The following FNDC1 variants were observed in gnomAD, a reference collection of about 807,000 sequenced individuals.
The protein encoded by FNDC1 is fibronectin type III domain containing 1.
FNDC1 carries 96 observed loss-of-function variants against 168.0 expected under a neutral mutation model. The observed-to-expected ratio is 0.57, with a 90% CI of 0.48 to 0.68. The LOEUF (loss-of-function observed/expected upper bound fraction) is 0.68. FNDC1 is among the 30% of genes least tolerant of loss of function. The pLI is 0.00. For synonymous variants in FNDC1, 1,099 were observed against 1,025.9 expected (o/e 1.07, Z -1.36); for missense variants, 2,587 against 2,482.1 (o/e 1.04, Z -0.90).
chr6:159,176,801 C>A (rs1384365569), intron 1 of FNDC1, among the ~76,000 whole-genome samples: 1 of 152,120 alleles, frequency 6.6e-6, no homozygotes, highest in Non-Finnish European at 1.5e-5. Flanking sequence ...GAGGCTCTGG[C>A]CAGAAAGGGC....
At chr6:159,222,039 A>G (rs966484134) in intron 6 of FNDC1, among the ~76,000 whole-genome samples, 2 of 152,208 alleles carry the variant, frequency 1.3e-5, no homozygotes, top group Admixed American at 6.5e-5. Flanking sequence ...GAGAGAAGGA[A>G]GAGCAGGCGG....
chr6:159,242,379 A>T (rs1486231840), intron 14 of FNDC1, among the ~76,000 whole-genome samples: 2 of 152,230 alleles, frequency 1.3e-5, no homozygotes, highest in Admixed American at 1.3e-4. Flanking sequence ...TAGCTAATGC[A>T]TGCAGGGCTT....
intron 15 of FNDC1, among the ~76,000 whole-genome samples, chr6:159,248,494 C>T (rs368440132): frequency 3.9e-4 from 60 of 152,026 alleles, no homozygotes; most frequent in Admixed American, 3.3e-3. Flanking sequence ...TTAGTGGAGA[C>T]GGGCTTTCAC....
Position 159,267,856 on chromosome 6 carries a change from A to G in FNDC1, c.5499A>G (p.Gln1833=). The G allele has an allele frequency of 6.2e-7, 1 of 1,613,642 alleles. No homozygotes were observed. The change falls in exon 22 of 23, where the codon CAA becomes CAG. Residue 1833 remains glutamine, a synonymous_variant. Coordinates refer to ENST00000297267, the MANE Select transcript of FNDC1 (RefSeq NM_032532.3). Reference sequence around the variant, plus strand: ...GGGGAAGAGGTGAAGACCATTGCCAATTTGTGGATTCACACCTTGATGGAA... The same window carrying G: ...GGGGAAGAGGTGAAGACCATTGCCAGTTTGTGGATTCACACCTTGATGGAA... ...DSWGRGEDHC[Q]FVDSHLDGRT...
At chr6:159,216,869 A>C (rs533054603) in intron 5 of FNDC1, among the ~76,000 whole-genome samples, 1 of 152,348 alleles carries the variant, frequency 6.6e-6, no homozygotes, top group South Asian at 2.1e-4. Context: ...GATGTGATTG[A>C]TTGGGCCTTC....
At chr6:159,173,758 C>T (rs1295236117) in intron 1 of FNDC1, among the ~76,000 whole-genome samples, 1 of 152,156 alleles carries the variant, frequency 6.6e-6, no homozygotes, top group Non-Finnish European at 1.5e-5. Context: ...TTATAGAGAT[C>T]AGAAGTCTGA....
At chr6:159,223,162 A>T (rs770970530) in intron 6 of FNDC1, among the ~76,000 whole-genome samples, 16 of 151,718 alleles carry the variant, frequency 1.1e-4, no homozygotes, top group Non-Finnish European at 2.9e-5. Context: ...CACCCAGCTA[A>T]TTTCTTATAT....
intron 14 of FNDC1, among the ~76,000 whole-genome samples, chr6:159,242,564 C>T (rs1034147369): frequency 2.0e-5 from 3 of 152,012 alleles, no homozygotes; most frequent in Non-Finnish European, 2.9e-5. Context: ...AATTCATATA[C>T]CATAAAGTTC....
intron 1 of FNDC1, among the ~76,000 whole-genome samples, chr6:159,171,750 A>T (rs76194850): frequency 0.013 from 1,962 of 152,350 alleles, 40 homozygotes; most frequent in African/African-American, 0.044. Flanking sequence ...CCAGTCTGGT[A>T]TGATACATTT....
At chr6:159,201,086 T>A (rs1223746440) in intron 4 of FNDC1, among the ~76,000 whole-genome samples, 2 of 152,286 alleles carry the variant, frequency 1.3e-5, no homozygotes. Context: ...TGGATGTTGA[T>A]GTTGTCTGGT....
chr6:159,224,706 GT>G (rs1782915661), intron 7 of FNDC1, among the ~76,000 whole-genome samples: 1 of 152,174 alleles, frequency 6.6e-6, no homozygotes, highest in Non-Finnish European at 1.5e-5. Flanking sequence ...TAGCAGAACT[GT>G]TGTGTTAATT....
chr6:159,251,421 G>A lies in FNDC1; in HGVS notation c.4954G>A (p.Asp1652Asn), dbSNP rs866559870. Residue 1652 changes from aspartate (D) to asparagine (N), a missense_variant, in exon 17 of 23, where the codon GAC becomes AAC. Transcript: ENST00000297267. Reference sequence around the variant, plus strand: ...CATCCCCAATGACCTGAAGAAGAGTGACCTGCCTCCCCAGCATGCTCCCCG... The same window carrying A: ...CATCCCCAATGACCTGAAGAAGAGTAACCTGCCTCCCCAGCATGCTCCCCG... ...EIIPNDLKKSDLPPQHAPRNI... is the reference protein window; with the variant it reads ...EIIPNDLKKSNLPPQHAPRNI... The A allele has an allele frequency of 6.2e-7, 1 of 1,613,950 alleles. No homozygotes were observed. The highest frequency in any genetic ancestry group is 1.3e-5 in the African/African-American group (1 of 75,054).
At position 159,233,058 on chromosome 6, in the gene FNDC1, C is replaced by T. The variant is rs756847021; in HGVS notation, c.2546C>T (p.Pro849Leu). Residue 849 changes from proline (P) to leucine (L), a missense_variant, in exon 11 of 23, where the codon CCA becomes CTA. Pro to Leu is a moderately conservative substitution (Grantham distance 98). Transcript: ENST00000297267. This position sits in a 1 kb window ranked among gnomAD's most constrained non-coding sequence, Gnocchi z 4.6. The part of the protein sequence containing the change: ...RGPRLQPSSS[P>L]QSTVPSRAHP... ...CCTCGGCTGCAGCCCTCCAGCTCCC[C>T]ACAGTCGACTGTGCCCTCCCGAGCC... The T allele has an allele frequency of 2.5e-6, 4 of 1,610,180 alleles. No homozygotes were observed. Among genetic ancestry groups the T allele is most frequent in the Non-Finnish European group, 3.4e-6 (4 of 1,178,442 alleles).
At chr6:159,265,753 C>T (rs1400626685) in intron 20 of FNDC1, among the ~76,000 whole-genome samples, 1 of 152,064 alleles carries the variant, frequency 6.6e-6, no homozygotes. Context: ...TGTGGTGAAA[C>T]CCCGTCTCTA....
intron 5 of FNDC1, among the ~76,000 whole-genome samples, chr6:159,216,369 A>G (rs1257614917): frequency 1.3e-5 from 2 of 152,232 alleles, no homozygotes; most frequent in Non-Finnish European, 2.9e-5. Flanking sequence ...AGCACTGGCC[A>G]GGGAATGCTG....
At position 159,239,923 on chromosome 6, in the gene FNDC1, C is replaced by T. The variant is rs1373440437; in HGVS notation, c.4587C>T (p.Ser1529=). The stretch of plus-strand genomic sequence containing the variant: ...ACGATGATGGCAACCTGATAATGAG[C>T]TCCAATGGGATCCCAGAGTGCTACG... The part of the protein sequence containing the change: ...RHDDDGNLIM[S]SNGIPECYAE... The change falls in exon 14 of 23, where the codon AGC becomes AGT. Residue 1529 remains serine, a synonymous_variant. Transcript: ENST00000297267. The T allele has an allele frequency of 2.7e-6, 4 of 1,509,054 alleles. No individual in the cohort carries two copies. Among genetic ancestry groups the T allele is most frequent in the Non-Finnish European group, 3.6e-6 (4 of 1,123,612 alleles). The allele number at this position is 1,509,054 out of a possible 1,614,324, so 93.5% of individuals were successfully genotyped here. A position where few individuals can be genotyped will look rare whatever the true frequency, so the allele number is the denominator to read the frequency against.
At position 159,233,216 on chromosome 6, in the gene FNDC1, A is replaced by G. The variant is rs1783143590; in HGVS notation, c.2704A>G (p.Ile902Val). The G allele has an allele frequency of 1.2e-6, 2 of 1,613,434 alleles. No individual in the cohort carries two copies. The highest frequency in any genetic ancestry group is 1.3e-5 in the African/African-American group (1 of 74,876). The change falls in exon 11 of 23, where the codon ATC (isoleucine) becomes GTC (valine). Residue 902 changes from isoleucine (I) to valine (V), a missense_variant. By Grantham distance (29) the Ile-to-Val change is conservative. Coordinates refer to ENST00000297267, the MANE Select transcript of FNDC1 (RefSeq NM_032532.3). The surrounding 1 kb of genome is among the most constrained non-coding windows in gnomAD (Gnocchi z 4.6). ...CGTGCCTTCCTCCTCCAGGCAGCCC[A>G]TCTCCCGGGGCTGGGAGGACTTAAG... ...DHVPSSSRQP[I>V]SRGWEDLRRS... is the part of the protein sequence containing the mutation.
At chr6:159,222,707 A>G (rs1782856082) in intron 6 of FNDC1, among the ~76,000 whole-genome samples, 1 of 152,206 alleles carries the variant, frequency 6.6e-6, no homozygotes, top group Admixed American at 6.5e-5. Context: ...TCTTGGACTC[A>G]CACCTTCTAA....
At chr6:159,170,444 G>GCGC (rs1406501014) in intron 1 of FNDC1, among the ~76,000 whole-genome samples, 2 of 152,216 alleles carry the variant, frequency 1.3e-5, no homozygotes, top group Non-Finnish European at 2.9e-5. Context: ...GCGCGCTCCT[G>GCGC]TCAGATTTCT....
Sources: gnomAD v4.1 joint callset for allele counts (sites outside exome capture counted in the v4.1 genomes callset) on GRCh38, gnomAD v4.1.1 for gene constraint, Gnocchi (gnomAD v3.1) non-coding constraint, MANE v1.5 for transcripts, NCBI Gene and HGNC (gene_info 2026-07-23, HGNC 2026-07-21) for gene names.